Variants in CAMTA1 observed in about 807,000 individuals in gnomAD.
The protein encoded by CAMTA1 is calmodulin binding transcription activator 1.
In CAMTA1, 27 loss-of-function variants were observed where a neutral mutation model predicts 170.9. The observed-to-expected ratio is 0.16, with a 90% CI of 0.12 to 0.22. The LOEUF is 0.22. CAMTA1 is among the 10% of genes least tolerant of loss of function. CAMTA1 has a pLI of 1.00. For missense variants in CAMTA1, 1,619 were observed against 2,217.2 expected (o/e 0.73, Z 5.42); for synonymous variants, 833 against 891.5 (o/e 0.93, Z 1.17).
chr1:7,102,023 AACAC>A (rs57209159), intron 4 of CAMTA1, among the ~76,000 whole-genome samples: 3,459 of 148,656 alleles, frequency 0.023, 100 homozygotes, highest in East Asian at 0.18. Context: ...ATAAATACAC[AACAC>A]ACACACACAC....
chr1:7,199,470 G>T (rs190560411), intron 4 of CAMTA1, among the ~76,000 whole-genome samples: 55 of 152,316 alleles, frequency 3.6e-4, no homozygotes, highest in African/African-American at 1.2e-3. Flanking sequence ...ACGGGCACCC[G>T]ACCCTAGGGC....
intron 5 of CAMTA1, among the ~76,000 whole-genome samples, chr1:7,424,954 A>T (rs115408724): frequency 0.015 from 2,232 of 152,020 alleles, 61 homozygotes; most frequent in African/African-American, 0.051. Context: ...GTGTCCCTGC[A>T]TAGGGAGGGA....
At position 7,555,762 on chromosome 1, in the gene CAMTA1, A is replaced by G. The variant is rs886124003; in HGVS notation, c.511-84638A>G. ...CAAACCAAGCTCAAGCCCAGGAGTC[A>G]TTCATTCACCTCCTCTGTCACATTC... On this transcript the variant is annotated intron_variant, in intron 6 of 22. Transcript: ENST00000303635. Among the ~76,000 whole-genome samples, 6 of 90,104 alleles carry G rather than the reference A, an allele frequency of 6.7e-5. No homozygotes were observed. In the Admixed American group the frequency reaches 6.7e-4, roughly 10 times the overall value. The allele number at this position is 90,104 out of a possible 152,430, so 59.1% of individuals were successfully genotyped here.
intron 3 of CAMTA1, among the ~76,000 whole-genome samples, chr1:7,085,726 G>T (rs537643292): frequency 3.3e-5 from 5 of 152,376 alleles, no homozygotes; most frequent in Non-Finnish European, 7.4e-5. Flanking sequence ...TCACCTGCCA[G>T]CCCCCATGGG....
intron 6 of CAMTA1, among the ~76,000 whole-genome samples, chr1:7,479,939 A>ATATGTGTG (rs2093484975): frequency 6.3e-5 from 2 of 31,644 alleles, no homozygotes; most frequent in African/African-American, 4.9e-4. Context: ...ATATGTGTGT[A>ATATGTGTG]TGAGTGTATG....
intron 5 of CAMTA1, among the ~76,000 whole-genome samples, chr1:7,353,189 A>G (rs1210679319): frequency 6.6e-6 from 1 of 152,162 alleles, no homozygotes; most frequent in Non-Finnish European, 1.5e-5. Flanking sequence ...GCACAATAAA[A>G]TTACATGAGG....
At chr1:7,394,312 T>C (rs1182868329) in intron 5 of CAMTA1, among the ~76,000 whole-genome samples, 2 of 152,236 alleles carry the variant, frequency 1.3e-5, no homozygotes, top group Non-Finnish European at 2.9e-5. Context: ...CTACCAAAAG[T>C]GTATGAGATT....
chr1:7,163,352 G>A (rs921146296), intron 4 of CAMTA1, among the ~76,000 whole-genome samples: 10 of 101,674 alleles, frequency 9.8e-5, no homozygotes, highest in African/African-American at 3.7e-5. Flanking sequence ...CGGGGGGTGG[G>A]TGGGTCATCA....
At position 7,093,562 on chromosome 1, in the gene CAMTA1, T is replaced by C. The variant is rs536606986; in HGVS notation, c.302+2191T>C. ...TGATTTCAGATACGCAGACCCGTGCTGGGTTTCAGCCACCCTTTGACGGCA... is the reference window on the plus strand; with the variant it reads ...TGATTTCAGATACGCAGACCCGTGCCGGGTTTCAGCCACCCTTTGACGGCA... On this transcript the variant is annotated intron_variant, in intron 4 of 22. Transcript: ENST00000303635. This position sits in a 1 kb window ranked among gnomAD's most constrained non-coding sequence, Gnocchi z 4.6. Among the ~76,000 whole-genome samples, 1 of 152,354 alleles carries C rather than the reference T, an allele frequency of 6.6e-6. No homozygotes were observed. The highest frequency in any genetic ancestry group is 1.5e-5 in the Non-Finnish European group (1 of 68,034).
At chr1:6,857,743 A>G (rs572187469) in intron 3 of CAMTA1, among the ~76,000 whole-genome samples, 1 of 152,360 alleles carries the variant, frequency 6.6e-6, no homozygotes, top group South Asian at 2.1e-4. Context: ...CATACAAAAC[A>G]TAAAAAACAT....
At position 7,725,813 on chromosome 1, in the gene CAMTA1, G is replaced by A. The variant is rs554229661; in HGVS notation, c.2915-6635G>A. On this transcript the variant is annotated intron_variant, in intron 11 of 22. Coordinates refer to ENST00000303635, the MANE Select transcript of CAMTA1 (RefSeq NM_015215.4). ...GTCTGTCTTAAGAAGCCCTCCTAAA[G>A]TTTGAGAACCTCTGGTCTAGAGGAA... Among the ~76,000 whole-genome samples the A allele has an allele frequency of 2.6e-5, 4 of 152,348 alleles. No homozygotes were observed. The East Asian group carries it at 7.7e-4, about 29-fold the overall frequency.
At chr1:7,166,298 CTG>C in intron 4 of CAMTA1, among the ~76,000 whole-genome samples, 1 of 152,088 alleles carries the variant, frequency 6.6e-6, no homozygotes, top group Admixed American at 6.5e-5. Flanking sequence ...AATCTCCTGA[CTG>C]CGTGATCTGC....
chr1:6,969,951 G>A (rs1248176546), intron 3 of CAMTA1, among the ~76,000 whole-genome samples: 1 of 152,112 alleles, frequency 6.6e-6, no homozygotes, highest in Non-Finnish European at 1.5e-5. Flanking sequence ...GTGCAGTTCT[G>A]TGTTGCTTCA....
intron 3 of CAMTA1, among the ~76,000 whole-genome samples, chr1:6,825,943 A>G (rs974476739): frequency 1.3e-5 from 2 of 152,168 alleles, no homozygotes; most frequent in African/African-American, 4.8e-5. Flanking sequence ...ACGTCCATCA[A>G]TTTGGGAGTT....
chr1:7,733,194 C>A (rs1288988239), intron 12 of CAMTA1, among the ~76,000 whole-genome samples: 1 of 151,742 alleles, frequency 6.6e-6, no homozygotes, highest in Non-Finnish European at 1.5e-5. Context: ...AGAATAAGAC[C>A]CTGTCTCAAA....
intron 3 of CAMTA1, among the ~76,000 whole-genome samples, chr1:6,886,577 G>T (rs1673288943): frequency 6.6e-6 from 1 of 152,228 alleles, no homozygotes; most frequent in Non-Finnish European, 1.5e-5. Context: ...GCCTGAAGGC[G>T]ATGTTTTACT....
intron 4 of CAMTA1, among the ~76,000 whole-genome samples, chr1:7,095,789 A>G (rs1642009947): frequency 6.6e-6 from 1 of 152,258 alleles, no homozygotes; most frequent in East Asian, 1.9e-4. Context: ...AGTGTGGAAG[A>G]GTGGCACACC....
At chr1:6,922,413 G>C (rs1337338981) in intron 3 of CAMTA1, among the ~76,000 whole-genome samples, 6 of 152,132 alleles carry the variant, frequency 3.9e-5, no homozygotes, top group Admixed American at 2.6e-4. Context: ...GCTTCACTTG[G>C]GGTCTCAGTG....
At chr1:7,237,314 C>CG (rs1456276209) in intron 4 of CAMTA1, among the ~76,000 whole-genome samples, 1 of 152,012 alleles carries the variant, frequency 6.6e-6, no homozygotes, top group African/African-American at 2.4e-5. Flanking sequence ...CTGCTGCCTC[C>CG]GGGCCAGGGC....
Sources: allele counts gnomAD v4.1 joint callset (sites outside exome capture counted in the v4.1 genomes callset), GRCh38; gene constraint gnomAD v4.1.1; non-coding constraint Gnocchi (gnomAD v3.1); transcripts MANE v1.5; gene names NCBI Gene and HGNC (gene_info 2026-07-23, HGNC 2026-07-21).